The following UIMC1 variants were observed in gnomAD, a reference collection of about 807,000 sequenced individuals.
UIMC1 encodes ubiquitin interaction motif containing 1.
A neutral mutation model predicts 84.9 loss-of-function variants in UIMC1; 42 were observed. The observed-to-expected ratio is 0.49, with a 90% CI of 0.39 to 0.64. UIMC1 has a LOEUF of 0.64. Ranked by LOEUF, UIMC1 falls within the 30% of genes least tolerant of loss-of-function variation. The probability of loss-of-function intolerance (pLI) is 0.00; values close to 1 mark genes in which losing one functional copy is unlikely to be tolerated. For synonymous variants in UIMC1, 281 were observed against 293.0 expected (o/e 0.96, Z 0.42); for missense variants, 825 against 847.6 (o/e 0.97, Z 0.33).
In UIMC1 at chr5:176,971,737, T is replaced by G. The variant is rs1451284836; in HGVS notation, c.233-871A>C. ...CATCACGGACAACATGGTGAAACCC[T>G]GTCTCTACTAAAAACACAAAAATTA... On this transcript the variant is annotated intron_variant, in intron 3 of 14. Coordinates refer to ENST00000511320, the MANE Select transcript of UIMC1 (RefSeq NM_001199298.2). Among the ~76,000 whole-genome samples the G allele has an allele frequency of 3.3e-5, 5 of 151,824 alleles. No individual in the cohort carries two copies. The East Asian group carries it at 9.7e-4, about 30-fold the overall frequency.
intron 1 of UIMC1, among the ~76,000 whole-genome samples, chr5:177,020,622 G>A (rs989248311): frequency 2.6e-5 from 4 of 152,040 alleles, no homozygotes; most frequent in East Asian, 1.9e-4. Context: ...TAGTAGAAAC[G>A]GAGTTTCACC....
intron 10 of UIMC1, among the ~76,000 whole-genome samples, chr5:176,932,416 T>A (rs1763208188): frequency 6.6e-6 from 1 of 152,192 alleles, no homozygotes; most frequent in African/African-American, 2.4e-5. Context: ...ATAAGCAATG[T>A]CATGAATATA....
chr5:176,911,222 T>C, intron 11 of UIMC1, 89 bp downstream of exon 11: 2 of 1,085,868 alleles, frequency 1.8e-6, no homozygotes, highest in Non-Finnish European at 2.5e-6. Context: ...GCCAAAGAAA[T>C]ACAGGGTAAG....
intron 1 of UIMC1, among the ~76,000 whole-genome samples, chr5:176,995,210 A>G (rs1344593169): frequency 6.6e-6 from 1 of 152,122 alleles, no homozygotes; most frequent in Non-Finnish European, 1.5e-5. Context: ...CTCTTTCCAT[A>G]ATGTCAAACA....
intron 6 of UIMC1, among the ~76,000 whole-genome samples, chr5:176,962,540 C>CT (rs1317379830): frequency 1.1e-4 from 12 of 105,948 alleles, no homozygotes; most frequent in Admixed American, 4.0e-4. Flanking sequence ...GTCAGCCCCC[C>CT]GCCCGGCCAG....
At chr5:176,988,039 G>C (rs1229127037) in intron 1 of UIMC1, among the ~76,000 whole-genome samples, 1 of 147,852 alleles carries the variant, frequency 6.8e-6, no homozygotes, top group East Asian at 2.0e-4. Flanking sequence ...TGGGAGGATG[G>C]AGGATCAATT....
At position 176,905,446 on chromosome 5, in the gene UIMC1, G is replaced by A. The variant is rs752167256; in HGVS notation, c.1996C>T (p.Gln666Ter). The A allele has an allele frequency of 3.8e-5, 61 of 1,614,146 alleles. No homozygotes were observed. The highest frequency in any genetic ancestry group is 5.2e-5 in the Non-Finnish European group (61 of 1,180,008). Residue 666 changes from glutamine to a stop codon, truncating the protein, a stop_gained, in exon 15 of 15, where the codon CAG becomes TAG. Coordinates refer to ENST00000511320, the MANE Select transcript of UIMC1 (RefSeq NM_001199298.2). LOFTEE classifies it high-confidence loss of function. ...MEEAGCSREM[Q>*]SSFTRRDLNE... Reference sequence around the variant, plus strand: ...AAGTCACGACGTGTGAAAGAACTCTGCATCTCTCTGCTGCAGCCTGCCTCT... The same window carrying A: ...AAGTCACGACGTGTGAAAGAACTCTACATCTCTCTGCTGCAGCCTGCCTCT...
chr5:176,985,324 C>T (rs539147440), intron 1 of UIMC1, among the ~76,000 whole-genome samples: 2 of 151,958 alleles, frequency 1.3e-5, no homozygotes, highest in Non-Finnish European at 1.5e-5. Context: ...GGCGTGGTAG[C>T]GCATGCCTGT....
At chr5:177,016,979 C>T (rs759732001) in intron 1 of UIMC1, among the ~76,000 whole-genome samples, 6 of 151,062 alleles carry the variant, frequency 4.0e-5, no homozygotes, top group South Asian at 2.1e-4. Flanking sequence ...GCTGAGATTG[C>T]GCCATTGCAC....
At chr5:176,966,887 C>T (rs1226152636) in intron 6 of UIMC1, among the ~76,000 whole-genome samples, 3 of 152,086 alleles carry the variant, frequency 2.0e-5, no homozygotes, top group Admixed American at 2.0e-4. Context: ...ATCATAAGAT[C>T]TAACAGACAG....
intron 10 of UIMC1, among the ~76,000 whole-genome samples, chr5:176,915,894 G>A (rs183484348): frequency 4.6e-5 from 7 of 151,980 alleles, no homozygotes; most frequent in Admixed American, 2.0e-4. Context: ...TGCCTCTCCT[G>A]GAAAATAAGA....
At position 176,905,726 on chromosome 5, in the gene UIMC1, T is replaced by G. The variant is rs911148540; in HGVS notation, c.1950-234A>C. The G allele has an allele frequency of 2.2e-5, 14 of 631,410 alleles. No homozygotes were observed. In the African/African-American group the frequency reaches 2.4e-4, roughly 11 times the overall value. The allele number at this position is 631,410 out of a possible 1,614,324, so 39.1% of individuals were successfully genotyped here. ...AGAACTGAGATCCAAATTCCCAAGC[T>G]GCTTGAGAATCCAGGTCAGAAAACC... On this transcript the variant is annotated intron_variant, in intron 14 of 14. Coordinates refer to ENST00000511320, the MANE Select transcript of UIMC1 (RefSeq NM_001199298.2).
Position 176,982,557 on chromosome 5 carries a change from T to C in UIMC1, c.59A>G (p.Lys20Arg). ...EVSESRNLEK[K>R]DVETTSSVSV... Reference sequence around the variant, plus strand: ...GACAGAACTGGTAGTTTCCACATCCTTCTTCTCCAGGTTCCGAGATTCGGA... The same window carrying C: ...GACAGAACTGGTAGTTTCCACATCCCTCTTCTCCAGGTTCCGAGATTCGGA... The change falls in exon 2 of 15, where the codon AAG becomes AGG. Residue 20 changes from lysine to arginine, a missense_variant. Physicochemically the swap from Lys to Arg is conservative, Grantham distance 26. Coordinates refer to ENST00000511320, the MANE Select transcript of UIMC1 (RefSeq NM_001199298.2). 6.2e-7 allele frequency: 1 copy of C among 1,614,146 alleles called. No individual in the cohort carries two copies. The highest frequency in any genetic ancestry group is 8.5e-7 in the Non-Finnish European group (1 of 1,180,016).
At chr5:176,919,331 C>G (rs1414940100) in intron 10 of UIMC1, 1 of 169,288 alleles carries the variant, frequency 5.9e-6, no homozygotes, top group East Asian at 1.9e-4. Flanking sequence ...ATATTTTCTC[C>G]TATTCTGTAG....
Position 176,992,428 on chromosome 5 carries a change from G to A in UIMC1, c.-8-9805C>T, listed in dbSNP as rs144044198. 2.7e-3 allele frequency among the ~76,000 whole-genome samples: 403 copies of A among 149,800 alleles called. 3 individuals are homozygous for A. Among genetic ancestry groups the A allele is most frequent in the Middle Eastern group, 0.017 (5 of 290 alleles). On this transcript the variant is annotated intron_variant, in intron 1 of 14. Transcript: ENST00000511320. ...TCACTAGAACTCAAGCGTTCAAGAC[G>A]AGCCTCAGCAACATAGTGAGACCCT... is the stretch of plus-strand genomic sequence containing the variant.
chr5:177,020,277 C>T lies in UIMC1; in HGVS notation c.-9+2187G>A, dbSNP rs561101242. Among the ~76,000 whole-genome samples the T allele has an allele frequency of 2.6e-5, 4 of 152,310 alleles. No individual in the cohort carries two copies. The East Asian group carries it at 7.7e-4, about 29-fold the overall frequency. On this transcript the variant is annotated intron_variant, in intron 1 of 5. Transcript: ENST00000509236. ...TCTCTGCTAGAACACTCTTGCCCAG[C>T]TCTTTGCATGGCTACGCCTTCTCAT...
chr5:176,971,442 T>C lies in UIMC1; in HGVS notation c.233-576A>G, dbSNP rs1183689991. Among the ~76,000 whole-genome samples the C allele has an allele frequency of 3.3e-5, 5 of 152,172 alleles. No individual in the cohort carries two copies. In the East Asian group the frequency reaches 9.6e-4, roughly 29 times the overall value. Reference sequence around the variant, plus strand: ...CAAGATGAGCTAGAATATTTGTCACTGTATTAGACACTACTAGACACTATT... The same window carrying C: ...CAAGATGAGCTAGAATATTTGTCACCGTATTAGACACTACTAGACACTATT... On this transcript the variant is annotated intron_variant, in intron 3 of 14. Coordinates refer to ENST00000511320, the MANE Select transcript of UIMC1 (RefSeq NM_001199298.2).
chr5:176,913,454 T>C lies in UIMC1; in HGVS notation c.1598-2065A>G, dbSNP rs78627537. Among the ~76,000 whole-genome samples, 1,381 of 152,318 alleles carry C rather than the reference T, an allele frequency of 9.1e-3. 7 individuals carry two copies. The highest frequency in any genetic ancestry group is 0.025 in the South Asian group (121 of 4,826). ...ACCTCTTTTAGATATACAATCCAATTTGTCAGTTTTCCTTAATATGTGTAG... is the reference window on the plus strand; with the variant it reads ...ACCTCTTTTAGATATACAATCCAATCTGTCAGTTTTCCTTAATATGTGTAG... On this transcript the variant is annotated intron_variant, in intron 10 of 14. Coordinates refer to ENST00000511320, the MANE Select transcript of UIMC1 (RefSeq NM_001199298.2).
In UIMC1 at chr5:176,966,658, ATAATC is replaced by A. The variant is rs1481919988; in HGVS notation, c.1200+1892_1200+1896del. On this transcript the variant is annotated intron_variant, in intron 6 of 14. Transcript: ENST00000511320. ...TAAGATATAAGCTTTCATACACAAT[ATAATC>A]TAGCTACTTCAGAAAAAGCAAACTA... Among the ~76,000 whole-genome samples the A allele has an allele frequency of 3.9e-5, 6 of 152,176 alleles. No individual in the cohort carries two copies. In the East Asian group the frequency reaches 1.2e-3, roughly 29 times the overall value.
Sources: gnomAD v4.1 joint callset for allele counts (sites outside exome capture counted in the v4.1 genomes callset) on GRCh38, gnomAD v4.1.1 for gene constraint, MANE v1.5 for transcripts, NCBI Gene and HGNC (gene_info 2026-07-23, HGNC 2026-07-21) for gene names.